The following GOLGA8B variants were observed in gnomAD, a reference collection of about 807,000 sequenced individuals.
GOLGA8B encodes golgin subfamily A member 8B.
A neutral mutation model predicts 15.6 loss-of-function variants in GOLGA8B; 1 was observed. That is an observed-to-expected ratio of 0.06 (90% CI 0.02 to 0.30). GOLGA8B has a LOEUF of 0.30. GOLGA8B is among the 10% of genes least tolerant of loss of function. The probability of loss-of-function intolerance (pLI) is 1.00; values close to 1 mark genes in which losing one functional copy is unlikely to be tolerated. For missense variants in GOLGA8B, 17 were observed against 201.3 expected, an observed-to-expected ratio of 0.08 and a Z score of 5.54; for synonymous variants, 9 against 80.3, an observed-to-expected ratio of 0.11 and a Z score of 4.75.
At chr15:34,566,603 T>C (rs1595707715) in intron 1 of GOLGA8B, 1 of 144,750 alleles carries the variant, frequency 6.9e-6, no homozygotes, top group East Asian at 1.9e-4. Flanking sequence ...GGCCCAAGCC[T>C]GCTTTGAACT....
chr15:34,574,004 C>T (rs1283161482), intron 1 of GOLGA8B, among the ~76,000 whole-genome samples: 1 of 151,908 alleles, frequency 6.6e-6, no homozygotes, highest in African/African-American at 2.4e-5. Context: ...TAAGCCAGGG[C>T]TCTACTCCCC....
At chr15:34,578,352 G>A (rs372860538) in intron 1 of GOLGA8B, among the ~76,000 whole-genome samples, 6 of 152,284 alleles carry the variant, frequency 3.9e-5, no homozygotes, top group East Asian at 3.9e-4. Context: ...ATAACTCTCC[G>A]ATGCCAGCCA....
chr15:34,565,145 T>A (rs1251725658), intron 1 of GOLGA8B, among the ~76,000 whole-genome samples: 3 of 134,966 alleles, frequency 2.2e-5, no homozygotes, highest in African/African-American at 7.9e-5. Flanking sequence ...CTTTTTTTTT[T>A]TTTTTTTGAG....
Position 34,525,429 on chromosome 15 carries a change from T to C in GOLGA8B, c.*2203A>G, listed in dbSNP as rs1206474393. 2.0e-5 allele frequency: 3 copies of C among 150,104 alleles called. No homozygotes were observed. Among genetic ancestry groups the C allele is most frequent in the Non-Finnish European group, 3.0e-5 (2 of 67,312 alleles). The allele number at this position is 150,104 out of a possible 1,614,324, so 9.3% of individuals were successfully genotyped here. On this transcript the variant is annotated 3_prime_UTR_variant, in exon 24 of 24. Coordinates refer to ENST00000683415, the MANE Select transcript of GOLGA8B (RefSeq NM_001023567.5). ...TGGTAAAATTCATTCTAAGAAAACT[T>C]GGCAAACAAAGCTTTGGACTGGAAT...
chr15:34,569,380 G>A (rs1161626733), intron 1 of GOLGA8B, among the ~76,000 whole-genome samples: 18 of 151,952 alleles, frequency 1.2e-4, no homozygotes, highest in South Asian at 2.1e-4. Flanking sequence ...ATCACACTTC[G>A]GACCTTCCTG....
In GOLGA8B at chr15:34,566,726, A is replaced by G. The variant is rs960788523; in HGVS notation, c.-1122-12770T>C. Among the ~76,000 whole-genome samples the G allele has an allele frequency of 2.1e-5, 3 of 142,340 alleles. 1 individual carries two copies. Among genetic ancestry groups the G allele is most frequent in the Non-Finnish European group, 3.2e-5 (2 of 63,156 alleles). 93.4% of individuals were successfully genotyped at this position (142,340 alleles called of 152,430 possible). A position where few individuals can be genotyped will look rare whatever the true frequency, so the allele number is the denominator to read the frequency against. On this transcript the variant is annotated intron_variant, in intron 1 of 23. Coordinates refer to ENST00000683415, the MANE Select transcript of GOLGA8B (RefSeq NM_001023567.5). Reference sequence around the variant, plus strand: ...CAGGGTCCAGCCAGGTCACGGGCACAGGCCTGCACTCACGGGTCACTGCAG... The same window carrying G: ...CAGGGTCCAGCCAGGTCACGGGCACGGGCCTGCACTCACGGGTCACTGCAG...
At chr15:34,573,940 T>C (rs1315595998) in intron 1 of GOLGA8B, among the ~76,000 whole-genome samples, 10 of 151,524 alleles carry the variant, frequency 6.6e-5, no homozygotes, top group Admixed American at 6.6e-5. Context: ...TTCAACCTAT[T>C]TGCCAAATCA....
rs1888068352 is a variant in GOLGA8B at position 34,526,898 on chromosome 15, G to A, written c.*734C>T. 1.3e-5 allele frequency: 2 copies of A among 149,914 alleles called. No individual in the cohort carries two copies. The highest frequency in any genetic ancestry group is 4.3e-4 in the South Asian group (2 of 4,650). The allele number at this position is 149,914 out of a possible 1,614,324, so 9.3% of individuals were successfully genotyped here. A position where few individuals can be genotyped will look rare whatever the true frequency, so the allele number is the denominator to read the frequency against. ...AGCCCAGAGCACATACAAATCCAAA[G>A]GGAACTGCCACAGTACAGTGCTCAT... On this transcript the variant is annotated 3_prime_UTR_variant, in exon 24 of 24. Coordinates refer to ENST00000683415, the MANE Select transcript of GOLGA8B (RefSeq NM_001023567.5).
intron 1 of GOLGA8B, among the ~76,000 whole-genome samples, chr15:34,569,474 G>A (rs1888847097): frequency 6.6e-6 from 1 of 151,442 alleles, no homozygotes; most frequent in Non-Finnish European, 1.5e-5. Flanking sequence ...GGGCAACATG[G>A]GGCCACATCA....
chr15:34,526,916 G>C lies in GOLGA8B; in HGVS notation c.*716C>G, dbSNP rs571493137. 352 of 153,052 alleles carry C rather than the reference G, an allele frequency of 2.3e-3. 21 individuals carry two copies. Among genetic ancestry groups the C allele is most frequent in the African/African-American group, 6.2e-3 (252 of 40,384 alleles). The allele number at this position is 153,052 out of a possible 1,614,324, so 9.5% of individuals were successfully genotyped here. On this transcript the variant is annotated 3_prime_UTR_variant, in exon 24 of 24. Coordinates refer to ENST00000683415, the MANE Select transcript of GOLGA8B (RefSeq NM_001023567.5). ...ATCCAAAGGGAACTGCCACAGTACA[G>C]TGCTCATTCTTGGCACCGGAACAGA...
At chr15:34,567,850 A>T (rs900489593) in intron 1 of GOLGA8B, among the ~76,000 whole-genome samples, 1 of 151,946 alleles carries the variant, frequency 6.6e-6, no homozygotes, top group African/African-American at 2.4e-5. Context: ...TCATCATGCC[A>T]TCTCTCAGCT....
intron 1 of GOLGA8B, among the ~76,000 whole-genome samples, chr15:34,581,263 C>T (rs148043421): frequency 6.6e-6 from 1 of 152,318 alleles, no homozygotes; most frequent in East Asian, 1.9e-4. Context: ...GGGGCCTCTT[C>T]AGCCAGGTTC....
Position 34,527,798 on chromosome 15 carries a change from G to A in GOLGA8B, c.1646C>T (p.Pro549Leu), listed in dbSNP as rs1347002505. Residue 549 changes from proline (P) to leucine (L), a missense_variant, in exon 24 of 24, where the codon CCT becomes CTT. By Grantham distance (98) the Pro-to-Leu change is moderately conservative (BLOSUM62 -3). Coordinates refer to ENST00000683415, the MANE Select transcript of GOLGA8B (RefSeq NM_001023567.5). Reference sequence around the variant, plus strand: ...ACCCTCCCTGGCTTCTCCTTGTGCAGGCTCCACGCTGTTGGTGAGGCTCGC... The same window carrying A: ...ACCCTCCCTGGCTTCTCCTTGTGCAAGCTCCACGCTGTTGGTGAGGCTCGC... Reference protein sequence around the residue: ...CEASLTNSVEPAQGEAREGSS... With the variant: ...CEASLTNSVELAQGEAREGSS... 1 of 1,556,822 alleles carries A rather than the reference G, an allele frequency of 6.4e-7. No homozygotes were observed. Among genetic ancestry groups the A allele is most frequent in the Non-Finnish European group, 8.6e-7 (1 of 1,156,446 alleles).
intron 1 of GOLGA8B, among the ~76,000 whole-genome samples, chr15:34,564,779 A>G (rs1460926107): frequency 7.0e-6 from 1 of 143,794 alleles, no homozygotes; most frequent in Admixed American, 6.8e-5. Context: ...TGGCAAGGCT[A>G]AATTATAGGA....
intron 1 of GOLGA8B, among the ~76,000 whole-genome samples, chr15:34,554,339 T>C (rs75910650): frequency 1.3e-5 from 2 of 152,188 alleles, no homozygotes; most frequent in African/African-American, 4.8e-5. Context: ...GCAGTGCACA[T>C]GTGTGCATGT....
intron 1 of GOLGA8B, among the ~76,000 whole-genome samples, chr15:34,564,356 A>T (rs2655329): frequency 0.14 from 4,395 of 31,706 alleles, 12 homozygotes; most frequent in African/African-American, 0.27. Flanking sequence ...GTAGATTCTT[A>T]AAAAAAAAAA....
At chr15:34,544,111 CTAG>C (rs1416027907) in intron 7 of GOLGA8B, among the ~76,000 whole-genome samples, 3 of 46,158 alleles carry the variant, frequency 6.5e-5, no homozygotes, top group African/African-American at 3.8e-4. Context: ...TGATCACAGA[CTAG>C]GAAATTCTGA....
rs1233443428 is a variant in GOLGA8B, at chr15:34,525,953, A to C, written c.*1679T>G. On this transcript the variant is annotated 3_prime_UTR_variant, in exon 24 of 24. Coordinates refer to ENST00000683415, the MANE Select transcript of GOLGA8B (RefSeq NM_001023567.5). The stretch of plus-strand genomic sequence containing the variant: ...TATCTCCCTACAACCTAATAATGTG[A>C]TGTGTTTTGGAACACAGACATTAGA... The C allele has an allele frequency of 1.3e-5, 2 of 149,134 alleles. No homozygotes were observed. Among genetic ancestry groups the C allele is most frequent in the Non-Finnish European group, 1.5e-5 (1 of 67,056 alleles). The allele number at this position is 149,134 out of a possible 1,614,324, so 9.2% of individuals were successfully genotyped here. A position where few individuals can be genotyped will look rare whatever the true frequency, so the allele number is the denominator to read the frequency against.
chr15:34,563,302 T>C (rs1234421454), intron 1 of GOLGA8B, among the ~76,000 whole-genome samples: 1 of 142,310 alleles, frequency 7.0e-6, no homozygotes, highest in African/African-American at 2.5e-5. Flanking sequence ...GAACCATGTG[T>C]TTCAGGGCCT....
Sources: allele counts gnomAD v4.1 joint callset (sites outside exome capture counted in the v4.1 genomes callset), GRCh38; gene constraint gnomAD v4.1.1; transcripts MANE v1.5; gene names NCBI Gene and HGNC (gene_info 2026-07-23, HGNC 2026-07-21).